The following CYS1 variants were observed in gnomAD, a reference collection of about 807,000 sequenced individuals.
CYS1 encodes cystin-1.
Under a neutral mutation model 9.6 loss-of-function variants are expected in CYS1, and 5 were observed. The ratio of observed to expected loss-of-function variants is 0.52; its 90% CI spans 0.27 to 1.10. The LOEUF is 1.10. Ranked by LOEUF, CYS1 falls within the 50% of genes least tolerant of loss-of-function variation. The probability of loss-of-function intolerance (pLI) is 0.11; values close to 1 mark genes in which losing one functional copy is unlikely to be tolerated. For synonymous variants in CYS1, 88 were observed against 95.7 expected, an observed-to-expected ratio of 0.92 and a Z score of 0.47; for missense variants, 221 against 207.9, an observed-to-expected ratio of 1.06 and a Z score of -0.39.
chr2:10,065,466 T>C (rs1019053678), intron 2 of CYS1, among the ~76,000 whole-genome samples: 3 of 152,208 alleles, frequency 2.0e-5, no homozygotes, highest in Admixed American at 1.3e-4. Context: ...CCTCGCCTGC[T>C]ACCTTCAAGG....
Position 10,058,861 on chromosome 2 carries a change from A to G in CYS1, c.469T>C (p.Cys157Arg), listed in dbSNP as rs2125286453. The change falls in exon 3 of 3, where the codon TGC becomes CGC. Residue 157 changes from cysteine (C) to arginine (R), a missense_variant. Physicochemically the swap from Cys to Arg is radical, Grantham distance 180. Transcript: ENST00000381813. ...GGTGGAGCATGCTGTCCTCAGCGGC[A>G]GTACTCCCGCTCGATGCTCGCCATC... ...GLMASIEREY[C>R]R is the part of the protein sequence containing the mutation. The G allele has an allele frequency of 6.3e-7, 1 of 1,578,168 alleles. No individual in the cohort carries two copies.
intron 2 of CYS1, among the ~76,000 whole-genome samples, chr2:10,064,079 C>G (rs557421962): frequency 1.3e-5 from 2 of 151,984 alleles, no homozygotes; most frequent in Non-Finnish European, 2.9e-5. Context: ...AAAAATTAGC[C>G]GGACAGGGTG....
At chr2:10,078,116 A>AG (rs1661881557) in intron 1 of CYS1, among the ~76,000 whole-genome samples, 1 of 151,960 alleles carries the variant, frequency 6.6e-6, no homozygotes, top group Admixed American at 6.5e-5. Context: ...AAAAAAAAAA[A>AG]AAAGAAAGAA....
At position 10,076,436 on chromosome 2, in the gene CYS1, A is replaced by G. The variant is rs1412965773; in HGVS notation, c.318+3470T>C. Among the ~76,000 whole-genome samples the G allele has an allele frequency of 6.6e-6, 1 of 151,990 alleles. No homozygotes were observed. Among genetic ancestry groups the G allele is most frequent in the Admixed American group, 6.6e-5 (1 of 15,238 alleles). On this transcript the variant is annotated intron_variant, in intron 1 of 2. Transcript: ENST00000381813. The surrounding 1 kb of genome is among the most constrained non-coding windows in gnomAD (Gnocchi z 4.3). ...GACTGCACCGCCCTCCTTGTGTCCT[A>G]TTCTCCATGAACTCCAGCCCAAGGC...
intron 1 of CYS1, among the ~76,000 whole-genome samples, chr2:10,070,081 A>G (rs1661744534): frequency 6.6e-6 from 1 of 152,116 alleles, no homozygotes; most frequent in Admixed American, 6.5e-5. Flanking sequence ...CCAAACACAC[A>G]CCCTGAAGTC....
Position 10,057,412 on chromosome 2 carries a change from T to C in CYS1, c.*1441A>G, listed in dbSNP as rs1372347199. 1 of 152,268 alleles carries C rather than the reference T, an allele frequency of 6.6e-6. No individual in the cohort carries two copies. The highest frequency in any genetic ancestry group is 2.4e-5 in the African/African-American group (1 of 41,472). 9.4% of individuals were successfully genotyped at this position (152,268 alleles called of 1,614,324 possible). ...GTTCAAGGAAATGCCCGTTTGCGGA[T>C]GGCCGCAGCAGGCCTGTGGGGCTGG... On this transcript the variant is annotated 3_prime_UTR_variant, in exon 3 of 3. Transcript: ENST00000381813.
chr2:10,080,001 C>T lies in CYS1; in HGVS notation c.223G>A (p.Asp75Asn). 9.2e-7 allele frequency: 1 copy of T among 1,088,858 alleles called. No homozygotes were observed. The highest frequency in any genetic ancestry group is 5.7e-5 in the East Asian group (1 of 17,424). The allele number at this position is 1,088,858 out of a possible 1,614,324, so 67.4% of individuals were successfully genotyped here. ...GCCGCCGACTCGGCCAGCAGCTCGT[C>T]CAGCAGGCGCAGCGTCTCGTCCCTG... ...DGRDETLRLL[D>N]ELLAESAAWG... Residue 75 changes from aspartate to asparagine, a missense_variant, in exon 1 of 3, where the codon GAC (aspartate) becomes AAC (asparagine). By Grantham distance (23) the Asp-to-Asn change is conservative. Coordinates refer to ENST00000381813, the MANE Select transcript of CYS1 (RefSeq NM_001037160.3). This position sits in a 1 kb window ranked among gnomAD's most constrained non-coding sequence, Gnocchi z 6.4.
At chr2:10,074,977 T>C (rs1202791254) in intron 1 of CYS1, among the ~76,000 whole-genome samples, 2 of 152,214 alleles carry the variant, frequency 1.3e-5, no homozygotes, top group Non-Finnish European at 2.9e-5. Flanking sequence ...CTGGGCATGG[T>C]GGCACATGCC....
chr2:10,060,437 G>C (rs1661610870), intron 2 of CYS1, among the ~76,000 whole-genome samples: 1 of 152,184 alleles, frequency 6.6e-6, no homozygotes, highest in Admixed American at 6.5e-5. Flanking sequence ...TCCTGGCACA[G>C]CCACTTGACT....
intron 1 of CYS1, among the ~76,000 whole-genome samples, chr2:10,067,406 CTTT>C (rs34525296): frequency 8.5e-5 from 10 of 118,104 alleles, no homozygotes; most frequent in Non-Finnish European, 1.2e-4. Flanking sequence ...AAATTCTTTT[CTTT>C]TTTTTTTTTT....
At chr2:10,061,925 C>T (rs1253767507) in intron 2 of CYS1, among the ~76,000 whole-genome samples, 2 of 152,126 alleles carry the variant, frequency 1.3e-5, no homozygotes. Flanking sequence ...GGAAGTCTCA[C>T]CACTCTTGAG....
rs567232240 is a variant in CYS1, at chr2:10,063,805, C to G, written c.371+2099G>C. ...AGGGCAGATGCTGCCAGCCCTGACC[C>G]TGGGGCAGGACTGCTGGGACCTGGG... On this transcript the variant is annotated intron_variant, in intron 2 of 2. Transcript: ENST00000381813. This position sits in a 1 kb window ranked among gnomAD's most constrained non-coding sequence, Gnocchi z 4.2. Among the ~76,000 whole-genome samples, 217 of 152,328 alleles carry G rather than the reference C, an allele frequency of 1.4e-3. 2 individuals are homozygous for G. Among genetic ancestry groups the G allele is most frequent in the Admixed American group, 0.011 (171 of 15,298 alleles).
Position 10,063,027 on chromosome 2 carries a change from C to T in CYS1, c.371+2877G>A, listed in dbSNP as rs947175383. Among the ~76,000 whole-genome samples the T allele has an allele frequency of 2.6e-5, 4 of 152,252 alleles. No homozygotes were observed. Among genetic ancestry groups the T allele is most frequent in the East Asian group, 1.9e-4 (1 of 5,204 alleles). ...GCTCAGGGAAGCAGCGACTTCCTCCCGCATGGCTGCTTCCCTCTGCTGCTT... is the reference window on the plus strand; with the variant it reads ...GCTCAGGGAAGCAGCGACTTCCTCCTGCATGGCTGCTTCCCTCTGCTGCTT... On this transcript the variant is annotated intron_variant, in intron 2 of 2. Coordinates refer to ENST00000381813, the MANE Select transcript of CYS1 (RefSeq NM_001037160.3). This position sits in a 1 kb window ranked among gnomAD's most constrained non-coding sequence, Gnocchi z 4.2.
chr2:10,067,273 C>A (rs1661710427), intron 1 of CYS1, among the ~76,000 whole-genome samples: 1 of 152,194 alleles, frequency 6.6e-6, no homozygotes, highest in Non-Finnish European at 1.5e-5. Flanking sequence ...CCACCTCAGC[C>A]TCCCAAAGTG....
At chr2:10,073,209 GCCCC>G (rs36064107) in intron 1 of CYS1, among the ~76,000 whole-genome samples, 73,510 of 129,718 alleles carry the variant, frequency 0.57, 21,110 homozygotes, top group East Asian at 0.82. Flanking sequence ...TCTGGGAACC[GCCCC>G]CCCCCCCCCC....
At position 10,076,742 on chromosome 2, in the gene CYS1, G is replaced by A. The variant is rs186688721; in HGVS notation, c.318+3164C>T. Among the ~76,000 whole-genome samples, 91 of 152,154 alleles carry A rather than the reference G, an allele frequency of 6.0e-4. No individual in the cohort carries two copies. Among genetic ancestry groups the A allele is most frequent in the Admixed American group, 5.2e-3 (80 of 15,258 alleles). The stretch of plus-strand genomic sequence containing the variant: ...TCGTCCCACGTTAGTTCACATACAC[G>A]AAGCTCCCAGGACAGAGCCCGGTGC... On this transcript the variant is annotated intron_variant, in intron 1 of 2. Transcript: ENST00000381813. This position sits in a 1 kb window ranked among gnomAD's most constrained non-coding sequence, Gnocchi z 4.3.
chr2:10,059,093 G>A, intron 2 of CYS1, 135 bp from the exon 3 acceptor site: 1 of 760,132 alleles, frequency 1.3e-6, no homozygotes, highest in Non-Finnish European at 2.2e-6. Flanking sequence ...GGGACACCCT[G>A]TGGCGCTCTC....
At chr2:10,079,197 T>C (rs991334910) in intron 1 of CYS1, among the ~76,000 whole-genome samples, 10 of 152,138 alleles carry the variant, frequency 6.6e-5, no homozygotes, top group Non-Finnish European at 7.4e-5. Context: ...TCAGGATTCC[T>C]TGGTGCGGTA....
In CYS1 at chr2:10,063,964, CATA is replaced by C. The variant is rs1353848497; in HGVS notation, c.371+1937_371+1939del. Among the ~76,000 whole-genome samples, 21 of 152,174 alleles carry C rather than the reference CATA, an allele frequency of 1.4e-4. No homozygotes were observed. Among genetic ancestry groups the C allele is most frequent in the Non-Finnish European group, 1.6e-4 (11 of 68,032 alleles). The stretch of plus-strand genomic sequence containing the variant: ...AAGGCTGGGTGCAGTGGCTCACGCC[CATA>C]ATCCCAGCACTTTGGGAGGCCAAGG... On this transcript the variant is annotated intron_variant, in intron 2 of 2. Transcript: ENST00000381813. The surrounding 1 kb of genome is among the most constrained non-coding windows in gnomAD (Gnocchi z 4.2).
Sources: gnomAD v4.1 joint callset for allele counts (sites outside exome capture counted in the v4.1 genomes callset) on GRCh38, gnomAD v4.1.1 for gene constraint, Gnocchi (gnomAD v3.1) non-coding constraint, MANE v1.5 for transcripts, NCBI Gene and HGNC (gene_info 2026-07-23, HGNC 2026-07-21) for gene names.